Variants in AMBRA1 observed in about 807,000 individuals in gnomAD.
The protein encoded by AMBRA1 is autophagy and beclin 1 regulator 1, also known as activating molecule in BECN1-regulated autophagy protein 1.
AMBRA1 carries 47 observed loss-of-function variants against 125.4 expected under a neutral mutation model. The observed-to-expected ratio is 0.37, with a 90% CI of 0.30 to 0.48. AMBRA1 has a LOEUF of 0.48. Among genes scored for constraint, AMBRA1 ranks in the 20% least tolerant of loss-of-function variants. The probability of loss-of-function intolerance (pLI) is 0.99; values close to 1 mark genes in which losing one functional copy is unlikely to be tolerated. For missense variants in AMBRA1, 1,331 were observed against 1,693.4 expected (o/e 0.79, Z 3.76); for synonymous variants, 626 against 655.5 (o/e 0.95, Z 0.69).
chr11:46,510,386 T>C (rs942598210), intron 8 of AMBRA1, among the ~76,000 whole-genome samples: 5 of 152,344 alleles, frequency 3.3e-5, no homozygotes, highest in Admixed American at 6.5e-5. Context: ...CTGCCCAATA[T>C]ATAGAACTCT....
intron 11 of AMBRA1, among the ~76,000 whole-genome samples, chr11:46,479,896 C>T (rs1283999595): frequency 6.6e-6 from 1 of 152,118 alleles, no homozygotes; most frequent in Non-Finnish European, 1.5e-5. Flanking sequence ...TTTATTATCT[C>T]TCAGTTCTAT....
At chr11:46,581,046 A>C (rs543098215) in intron 1 of AMBRA1, among the ~76,000 whole-genome samples, 9 of 152,124 alleles carry the variant, frequency 5.9e-5, no homozygotes, top group Non-Finnish European at 1.3e-4. Context: ...CACCCGCCTC[A>C]GCCTCCCAAA....
At chr11:46,406,606 T>C (rs1383000219) in intron 17 of AMBRA1, among the ~76,000 whole-genome samples, 1 of 152,116 alleles carries the variant, frequency 6.6e-6, no homozygotes, top group Non-Finnish European at 1.5e-5. Context: ...GCTGGCTAGG[T>C]ATGGTGGCTC....
At chr11:46,418,163 G>C in intron 14 of AMBRA1, 111 bp from the exon 15 acceptor site, 2 of 1,031,358 alleles carry the variant, frequency 1.9e-6, no homozygotes, top group Non-Finnish European at 2.6e-6. Context: ...GAGGTGGTTA[G>C]GCTGGGAACA....
chr11:46,492,677 T>C (rs969313037), intron 11 of AMBRA1, among the ~76,000 whole-genome samples: 11 of 152,274 alleles, frequency 7.2e-5, no homozygotes, highest in Non-Finnish European at 1.5e-4. Context: ...CCAGAAGCAA[T>C]AGCACACACA....
At chr11:46,481,121 G>A (rs912622431) in intron 11 of AMBRA1, among the ~76,000 whole-genome samples, 4 of 152,164 alleles carry the variant, frequency 2.6e-5, no homozygotes, top group Admixed American at 1.3e-4. Context: ...AAAAACAAAT[G>A]AGGATGGAGA....
chr11:46,417,890 C>A lies in AMBRA1; in HGVS notation c.3116+23G>T, dbSNP rs745610881. 3 of 1,591,422 alleles carry A rather than the reference C, an allele frequency of 1.9e-6. No homozygotes were observed. In the African/African-American group the frequency reaches 4.0e-5, roughly 21 times the overall value. ...GTCCTCGGCCCCAGTGATCCCTCAA[C>A]CCCCACACTTTAAGCCACTTACTCT... On this transcript the variant is annotated intron_variant, in intron 15 of 17. Transcript: ENST00000683756.
chr11:46,416,554 C>T (rs1013417058), intron 15 of AMBRA1, among the ~76,000 whole-genome samples: 12 of 152,252 alleles, frequency 7.9e-5, no homozygotes, highest in African/African-American at 2.4e-4. Flanking sequence ...CTAATTCAGC[C>T]GATAAGGACT....
chr11:46,415,140 AG>A (rs1946477959), intron 15 of AMBRA1, among the ~76,000 whole-genome samples: 1 of 152,196 alleles, frequency 6.6e-6, no homozygotes, highest in Non-Finnish European at 1.5e-5. Flanking sequence ...TGTATCACCC[AG>A]GGATAGGCAG....
intron 1 of AMBRA1, among the ~76,000 whole-genome samples, chr11:46,561,749 G>A (rs1403565051): frequency 6.6e-6 from 1 of 152,162 alleles, no homozygotes; most frequent in Non-Finnish European, 1.5e-5. Flanking sequence ...ATTAAACACA[G>A]AGTTCTTATG....
At chr11:46,488,523 A>G (rs1460934082) in intron 11 of AMBRA1, among the ~76,000 whole-genome samples, 1 of 152,130 alleles carries the variant, frequency 6.6e-6, no homozygotes, top group Admixed American at 6.6e-5. Flanking sequence ...TAGAGATTTC[A>G]ATACCCACTC....
At chr11:46,551,511 C>G (rs935847933) in intron 1 of AMBRA1, among the ~76,000 whole-genome samples, 3 of 152,118 alleles carry the variant, frequency 2.0e-5, no homozygotes, top group African/African-American at 7.2e-5. Flanking sequence ...AACCACTGCA[C>G]TAGGTGCTGA....
Position 46,542,260 on chromosome 11 carries a change from C to T in AMBRA1, c.1757G>A (p.Arg586Lys), listed in dbSNP as rs1467832951. 1 of 1,613,968 alleles carries T rather than the reference C, an allele frequency of 6.2e-7. No homozygotes were observed. The highest frequency in any genetic ancestry group is 8.5e-7 in the Non-Finnish European group (1 of 1,180,034). Residue 586 changes from arginine to lysine, a missense_variant, in exon 7 of 18, where the codon AGA (arginine) becomes AAA (lysine). Physicochemically the swap from Arg to Lys is conservative, Grantham distance 26. Around this residue, in one of 4 missense-constraint regions of AMBRA1, gnomAD observed 689 missense variants for 776.5 expected, o/e 0.89. Transcript: ENST00000683756. This position sits in a 1 kb window ranked among gnomAD's most constrained non-coding sequence, Gnocchi z 5.9. ...TFNNDTLRWE[R>K]TTPNYSSGEA... Reference sequence around the variant, plus strand: ...GCCAGAGGAGTAGTTAGGTGTGGTTCTTTCCCAGCGCAGGGTATCGTTGTT... The same window carrying T: ...GCCAGAGGAGTAGTTAGGTGTGGTTTTTTCCCAGCGCAGGGTATCGTTGTT...
intron 1 of AMBRA1, among the ~76,000 whole-genome samples, chr11:46,569,440 A>ATATATATATATATATAT (rs1555012051): frequency 7.6e-6 from 1 of 131,386 alleles, no homozygotes; most frequent in African/African-American, 2.9e-5. Context: ...AAAAAAAAAA[A>ATATATATATATATATAT]ATATATATAT....
chr11:46,429,846 T>C (rs1481516571), intron 14 of AMBRA1, among the ~76,000 whole-genome samples: 1 of 151,904 alleles, frequency 6.6e-6, no homozygotes, highest in African/African-American at 2.4e-5. Context: ...AGCTCAGCAG[T>C]CTCTAAAAGC....
intron 1 of AMBRA1, among the ~76,000 whole-genome samples, chr11:46,549,466 A>G (rs994022347): frequency 6.6e-6 from 1 of 152,200 alleles, no homozygotes; most frequent in Non-Finnish European, 1.5e-5. Flanking sequence ...ATATGGTTAC[A>G]TTGAGGTTGG....
intron 11 of AMBRA1, among the ~76,000 whole-genome samples, chr11:46,484,285 G>C (rs1590926010): frequency 6.6e-6 from 1 of 152,162 alleles, no homozygotes; most frequent in Non-Finnish European, 1.5e-5. Context: ...CTAGATCATT[G>C]CATTTGTTCT....
At chr11:46,450,866 A>G (rs1350211701) in intron 11 of AMBRA1, among the ~76,000 whole-genome samples, 1 of 152,256 alleles carries the variant, frequency 6.6e-6, no homozygotes, top group Non-Finnish European at 1.5e-5. Context: ...ATGTAAACGC[A>G]TACTTTGAGT....
At chr11:46,572,194 G>C (rs1310177616) in intron 1 of AMBRA1, among the ~76,000 whole-genome samples, 1 of 151,974 alleles carries the variant, frequency 6.6e-6, no homozygotes, top group Non-Finnish European at 1.5e-5. Flanking sequence ...CCAGCTACTC[G>C]GGAGGCTAAG....
Sources: gnomAD v4.1 joint callset for allele counts (sites outside exome capture counted in the v4.1 genomes callset) on GRCh38, gnomAD v4.1.1 for gene constraint, gnomAD v4.1.1 regional missense constraint, Gnocchi (gnomAD v3.1) non-coding constraint, MANE v1.5 for transcripts, NCBI Gene and HGNC (gene_info 2026-07-23, HGNC 2026-07-21) for gene names.